Variants in ASB3 observed in about 807,000 individuals in gnomAD.
The protein encoded by ASB3 is ankyrin repeat and SOCS box protein 3.
ASB3 carries 41 observed loss-of-function variants against 54.5 expected under a neutral mutation model. The observed-to-expected ratio is 0.75, with a 90% CI of 0.59 to 0.98. The LOEUF (loss-of-function observed/expected upper bound fraction) is 0.98. Ranked by LOEUF, ASB3 falls within the 50% of genes least tolerant of loss-of-function variation. The pLI, the probability that ASB3 is intolerant of heterozygous loss-of-function variation, is 0.00. For missense variants in ASB3, 733 were observed against 620.0 expected, an observed-to-expected ratio of 1.18 and a Z score of -1.94; for synonymous variants, 266 against 221.2, an observed-to-expected ratio of 1.20 and a Z score of -1.80.
At chr2:53,694,900 C>G (rs76039968) in intron 8 of ASB3, among the ~76,000 whole-genome samples, 4 of 152,094 alleles carry the variant, frequency 2.6e-5, no homozygotes, top group Non-Finnish European at 5.9e-5. Context: ...ATTGGTATTA[C>G]CAGAAACGAT....
intron 1 of ASB3, among the ~76,000 whole-genome samples, chr2:53,766,631 T>A (rs1464922114): frequency 6.6e-6 from 1 of 152,208 alleles, no homozygotes; most frequent in African/African-American, 2.4e-5. Context: ...ACAGCAACTG[T>A]GCAAAATGGT....
intron 5 of ASB3, among the ~76,000 whole-genome samples, chr2:53,723,129 T>C (rs1670798489): frequency 6.6e-6 from 1 of 152,014 alleles, no homozygotes; most frequent in South Asian, 2.1e-4. Context: ...GAATACATCT[T>C]ACCAAGGAGG....
chr2:53,756,842 G>A (rs1166055845), intron 2 of ASB3: 1 of 152,898 alleles, frequency 6.5e-6, no homozygotes, highest in Non-Finnish European at 1.5e-5. Flanking sequence ...CTGCACTTCT[G>A]ATCCAGCGAG....
chr2:53,775,901 C>G (rs548612170), intron 1 of ASB3, among the ~76,000 whole-genome samples: 33 of 152,148 alleles, frequency 2.2e-4, no homozygotes, highest in African/African-American at 7.7e-4. Flanking sequence ...TATTTTGTCA[C>G]CTAAAGAAGA....
chr2:53,716,446 C>G (rs576362239), intron 6 of ASB3, 120 bp downstream of exon 6: 2 of 1,264,334 alleles, frequency 1.6e-6, no homozygotes, highest in South Asian at 3.2e-5. Flanking sequence ...GTTCACCCAG[C>G]AGATTGGTAG....
At chr2:53,740,043 C>T (rs1175005768) in intron 3 of ASB3, among the ~76,000 whole-genome samples, 1 of 152,150 alleles carries the variant, frequency 6.6e-6, no homozygotes, top group Admixed American at 6.5e-5. Context: ...AAGTCTGTAA[C>T]GAAAAGTTTA....
chr2:53,766,702 G>A (rs1673481809), intron 1 of ASB3, among the ~76,000 whole-genome samples: 1 of 151,950 alleles, frequency 6.6e-6, no homozygotes, highest in Admixed American at 6.5e-5. Context: ...AGTTTTCTGT[G>A]TATTCAAAAT....
rs527940347 is a variant in ASB3 at position 53,727,676 on chromosome 2, T to C, written c.604+1036A>G. Among the ~76,000 whole-genome samples, 19 of 152,230 alleles carry C rather than the reference T, an allele frequency of 1.2e-4. No individual in the cohort carries two copies. The South Asian group carries it at 3.3e-3, about 27-fold the overall frequency. Reference sequence around the variant, plus strand: ...AAGCAAACAAACAAACTTTGTATGATCTATTTTCTATTTAAAGGAAGTTTA... The same window carrying C: ...AAGCAAACAAACAAACTTTGTATGACCTATTTTCTATTTAAAGGAAGTTTA... On this transcript the variant is annotated intron_variant, in intron 5 of 9. Transcript: ENST00000263634.
intron 7 of ASB3, among the ~76,000 whole-genome samples, chr2:53,706,002 C>A (rs1460400071): frequency 6.6e-6 from 1 of 152,108 alleles, no homozygotes; most frequent in Non-Finnish European, 1.5e-5. Context: ...CTCTCTCACC[C>A]AAAAAACTAG....
intron 5 of ASB3, among the ~76,000 whole-genome samples, chr2:53,723,554 A>G (rs1247976357): frequency 6.6e-6 from 1 of 152,094 alleles, no homozygotes; most frequent in Non-Finnish European, 1.5e-5. Flanking sequence ...AACTACCGAC[A>G]CCATTTTTTA....
rs116210117 is a variant in ASB3 at position 53,682,947 on chromosome 2, C to A, written c.1369+10937G>T. On this transcript the variant is annotated intron_variant, in intron 9 of 9. Coordinates refer to ENST00000263634, the MANE Select transcript of ASB3 (RefSeq NM_016115.5). ...CAAGGACATTTTGACTTCTTCCATT[C>A]CAACTTGGATGCCCTTTCTTTCTTT... is the stretch of plus-strand genomic sequence containing the variant. Among the ~76,000 whole-genome samples the A allele has an allele frequency of 1.1e-3, 172 of 152,306 alleles. 2 individuals carry two copies. Among genetic ancestry groups the A allele is most frequent in the African/African-American group, 4.0e-3 (165 of 41,560 alleles).
chr2:53,672,196 G>A (rs999492925), intron 9 of ASB3, among the ~76,000 whole-genome samples: 4 of 152,088 alleles, frequency 2.6e-5, no homozygotes, highest in Non-Finnish European at 5.9e-5. Context: ...AAAAGTTATC[G>A]ATTTTGTACA....
intron 9 of ASB3, among the ~76,000 whole-genome samples, chr2:53,678,120 T>C (rs1416471703): frequency 6.9e-6 from 1 of 144,474 alleles, no homozygotes; most frequent in Non-Finnish European, 1.5e-5. Flanking sequence ...ATACCCATCA[T>C]CTCATATAGT....
At chr2:53,775,272 G>A (rs1047529864) in intron 1 of ASB3, 15 of 152,436 alleles carry the variant, frequency 9.8e-5, no homozygotes, top group African/African-American at 3.6e-4. Context: ...ACAAATTAAT[G>A]GCACATATAA....
intron 5 of ASB3, among the ~76,000 whole-genome samples, chr2:53,720,465 T>C (rs1670642051): frequency 6.6e-6 from 1 of 152,008 alleles, no homozygotes; most frequent in Admixed American, 6.6e-5. Context: ...AAAAATTATA[T>C]ATAAAAAAAC....
chr2:53,776,784 A>T (rs987527118), intron 1 of ASB3, among the ~76,000 whole-genome samples: 1 of 152,118 alleles, frequency 6.6e-6, no homozygotes, highest in African/African-American at 2.4e-5. Flanking sequence ...ACACCACTGC[A>T]CTCCAGGCTG....
intron 8 of ASB3, among the ~76,000 whole-genome samples, chr2:53,698,509 G>A (rs539773429): frequency 2.0e-5 from 3 of 152,228 alleles, no homozygotes; most frequent in East Asian, 1.9e-4. Context: ...GTGGCCACAA[G>A]TAGCCATGCA....
rs1354389522 is a variant in ASB3, at chr2:53,719,805, T to C, written c.605-3062A>G. ...ACTGCCAACCCATCTTTTGTGTTTCTTTCCTCTTTCTTTAACTCTTACAAG... is the reference window on the plus strand; with the variant it reads ...ACTGCCAACCCATCTTTTGTGTTTCCTTCCTCTTTCTTTAACTCTTACAAG... On this transcript the variant is annotated intron_variant, in intron 5 of 9. Coordinates refer to ENST00000263634, the MANE Select transcript of ASB3 (RefSeq NM_016115.5). 3.9e-5 allele frequency among the ~76,000 whole-genome samples: 6 copies of C among 152,204 alleles called. No individual in the cohort carries two copies. In the East Asian group the frequency reaches 1.2e-3, roughly 29 times the overall value.
intron 1 of ASB3, 198 bp downstream of exon 1, chr2:53,786,623 A>T (rs971104817): frequency 1.3e-5 from 2 of 152,608 alleles, no homozygotes; most frequent in African/African-American, 4.8e-5. Context: ...AAGCTGCAAG[A>T]AGGCAGGTCA....
Sources: allele counts gnomAD v4.1 joint callset (sites outside exome capture counted in the v4.1 genomes callset), GRCh38; gene constraint gnomAD v4.1.1; transcripts MANE v1.5; gene names NCBI Gene and HGNC (gene_info 2026-07-23, HGNC 2026-07-21).